TENM4: variants seen among roughly 807,000 people sequenced by gnomAD.
The protein encoded by TENM4 is teneurin transmembrane protein 4.
In TENM4, 82 loss-of-function variants were observed where a neutral mutation model predicts 243.3. The ratio of observed to expected loss-of-function variants is 0.34; its 90% CI spans 0.28 to 0.40. The LOEUF is 0.40. TENM4 is among the 10% of genes least tolerant of loss of function. TENM4 has a pLI of 1.00. For missense variants in TENM4, 3,138 were observed against 3,673.3 expected, an observed-to-expected ratio of 0.85 and a Z score of 3.77; for synonymous variants, 1,412 against 1,456.3, an observed-to-expected ratio of 0.97 and a Z score of 0.69.
chr11:79,407,747 A>G (rs1409363629), intron 1 of TENM4, among the ~76,000 whole-genome samples: 1 of 152,184 alleles, frequency 6.6e-6, no homozygotes, highest in African/African-American at 2.4e-5. Flanking sequence ...ACTCTTTATC[A>G]GTAGTTAACA....
At chr11:78,829,880 T>A (rs1857937581) in intron 12 of TENM4, among the ~76,000 whole-genome samples, 2 of 152,206 alleles carry the variant, frequency 1.3e-5, no homozygotes, top group African/African-American at 4.8e-5. Context: ...ATACTGTGCA[T>A]GCAGGTGCGT....
chr11:79,069,675 C>T, intron 5 of TENM4, 47 bp downstream of exon 5: 1 of 1,516,048 alleles, frequency 6.6e-7, no homozygotes, highest in Non-Finnish European at 8.9e-7. Flanking sequence ...CCTACCTGAG[C>T]CAAGCTCACC....
intron 10 of TENM4, among the ~76,000 whole-genome samples, chr11:78,859,926 A>G (rs1858775064): frequency 6.6e-6 from 1 of 152,220 alleles, no homozygotes; most frequent in Admixed American, 6.5e-5. Context: ...AATGTGTAAC[A>G]CAAGTTCTTG....
In TENM4 at chr11:78,786,908, G is replaced by GT; in HGVS notation, c.2354dup (p.His785GlnfsTer10). ...CTCGGCCCGCCATACCGATGGTGCA[G>GT]TGTTCGCCATTCCAGCCAGGGCTGC... is the stretch of plus-strand genomic sequence containing the variant. On this transcript the variant is annotated frameshift_variant, in exon 16 of 34. Coordinates refer to ENST00000278550, the MANE Select transcript of TENM4 (RefSeq NM_001098816.3). LOFTEE classifies it high-confidence loss of function. 1 of 1,608,878 alleles carries GT rather than the reference G, an allele frequency of 6.2e-7. No homozygotes were observed. The highest frequency in any genetic ancestry group is 8.5e-7 in the Non-Finnish European group (1 of 1,178,142).
chr11:79,397,518 G>T (rs1858370007), intron 1 of TENM4, among the ~76,000 whole-genome samples: 1 of 152,128 alleles, frequency 6.6e-6, no homozygotes, highest in South Asian at 2.1e-4. Flanking sequence ...GAGTTAACTG[G>T]CTATCTCCAA....
At chr11:79,402,352 A>G (rs1179515065) in intron 1 of TENM4, among the ~76,000 whole-genome samples, 2 of 152,242 alleles carry the variant, frequency 1.3e-5, no homozygotes, top group East Asian at 3.8e-4. Context: ...TCTTCAATTA[A>G]CAACATTTTA....
intron 2 of TENM4, among the ~76,000 whole-genome samples, chr11:79,216,688 CA>C (rs1316847145): frequency 5.3e-5 from 8 of 152,296 alleles, no homozygotes; most frequent in African/African-American, 1.9e-4. Context: ...CACATGTGTT[CA>C]CTTGCCCTTC....
In TENM4 at chr11:79,243,320, G is replaced by A. The variant is rs144528050; in HGVS notation, c.-264-27411C>T. On this transcript the variant is annotated intron_variant, in intron 2 of 33. Coordinates refer to ENST00000278550, the MANE Select transcript of TENM4 (RefSeq NM_001098816.3). ...CACGGTGTGCATGGGCTGTCTTGTC[G>A]TTGTACTCGGACACATCTCGGCACA... is the stretch of plus-strand genomic sequence containing the variant. Among the ~76,000 whole-genome samples the A allele has an allele frequency of 5.1e-4, 77 of 152,120 alleles. 1 individual carries two copies. The East Asian group carries it at 9.1e-3, about 18-fold the overall frequency.
At chr11:79,407,563 G>T (rs1019972921) in intron 1 of TENM4, among the ~76,000 whole-genome samples, 9 of 152,218 alleles carry the variant, frequency 5.9e-5, no homozygotes, top group African/African-American at 2.2e-4. Flanking sequence ...CTAATAAGTA[G>T]CGAGACCTAG....
intron 16 of TENM4, among the ~76,000 whole-genome samples, chr11:78,782,626 T>G (rs897412611): frequency 7.9e-5 from 12 of 151,992 alleles, no homozygotes; most frequent in African/African-American, 2.4e-4. Context: ...AATTAGCTGG[T>G]GTGGTGGTGC....
At chr11:79,397,298 T>C (rs1858365545) in intron 1 of TENM4, among the ~76,000 whole-genome samples, 1 of 152,192 alleles carries the variant, frequency 6.6e-6, no homozygotes, top group Admixed American at 6.5e-5. Flanking sequence ...GGTATTACTG[T>C]TATTAACATC....
At chr11:78,742,619 G>T (rs1268014056) in intron 19 of TENM4, among the ~76,000 whole-genome samples, 1 of 152,196 alleles carries the variant, frequency 6.6e-6, no homozygotes, top group East Asian at 1.9e-4. Context: ...GGTGAACTCT[G>T]CCAGGAGGGA....
chr11:79,062,169 C>G (rs1471041968), intron 6 of TENM4, among the ~76,000 whole-genome samples: 2 of 152,016 alleles, frequency 1.3e-5, no homozygotes, highest in African/African-American at 4.8e-5. Context: ...GCCATGTTGC[C>G]CAGGCTGGTC....
At chr11:78,811,569 A>AACAC (rs749041202) in intron 14 of TENM4, among the ~76,000 whole-genome samples, 2,016 of 65,076 alleles carry the variant, frequency 0.031, 43 homozygotes, top group African/African-American at 0.075. Flanking sequence ...CATACACATG[A>AACAC]ACACACACAC....
intron 2 of TENM4, among the ~76,000 whole-genome samples, chr11:79,248,628 A>G (rs58938153): frequency 0.011 from 1,716 of 152,310 alleles, 36 homozygotes; most frequent in African/African-American, 0.039. Context: ...TTCAAATACT[A>G]TTTTTAAAAA....
At chr11:78,689,789 T>C (rs993507111) in intron 28 of TENM4, among the ~76,000 whole-genome samples, 20 of 152,196 alleles carry the variant, frequency 1.3e-4, no homozygotes, top group Admixed American at 9.2e-4. Context: ...ATCACAGCAC[T>C]CTACACTGAA....
intron 6 of TENM4, among the ~76,000 whole-genome samples, chr11:78,958,643 G>A (rs986188417): frequency 6.6e-5 from 10 of 152,338 alleles, no homozygotes; most frequent in South Asian, 6.2e-4. Flanking sequence ...GATCTGGGAT[G>A]GCAGCTCAGG....
chr11:78,886,284 TGGAAAAG>T (rs1358545451), intron 9 of TENM4, among the ~76,000 whole-genome samples: 1 of 152,240 alleles, frequency 6.6e-6, no homozygotes. Flanking sequence ...GTTGGTCTGC[TGGAAAAG>T]GGTCTTTGTT....
At chr11:79,276,667 TC>T in intron 2 of TENM4, among the ~76,000 whole-genome samples, 1 of 152,028 alleles carries the variant, frequency 6.6e-6, no homozygotes, top group Non-Finnish European at 1.5e-5. Context: ...AACCCACCCC[TC>T]CAGGACTCTC....
Sources: allele counts gnomAD v4.1 joint callset (sites outside exome capture counted in the v4.1 genomes callset), GRCh38; gene constraint gnomAD v4.1.1; transcripts MANE v1.5; gene names NCBI Gene and HGNC (gene_info 2026-07-23, HGNC 2026-07-21).